RMDN1: variants seen among roughly 807,000 people sequenced by gnomAD.
RMDN1 encodes the protein regulator of microtubule dynamics protein 1.
Under a neutral mutation model 48.9 loss-of-function variants are expected in RMDN1, and 48 were observed. The ratio of observed to expected loss-of-function variants is 0.98; its 90% CI spans 0.78 to 1.25. RMDN1 has a LOEUF of 1.25. RMDN1 is among the 50% of genes most tolerant of loss of function. The probability of loss-of-function intolerance (pLI) is 0.00; values close to 1 mark genes in which losing one functional copy is unlikely to be tolerated. For missense variants in RMDN1, 418 were observed against 373.4 expected, an observed-to-expected ratio of 1.12 and a Z score of -0.98; for synonymous variants, 148 against 132.6, an observed-to-expected ratio of 1.12 and a Z score of -0.80.
downstream of RMDN1, among the ~76,000 whole-genome samples, chr8:86,469,386 T>C (rs1208476375): frequency 6.6e-6 from 1 of 152,158 alleles, no homozygotes; most frequent in Non-Finnish European, 1.5e-5. Flanking sequence ...CTGGGAAATC[T>C]CCAGATACAC....
At position 86,500,608 on chromosome 8, in the gene RMDN1, C is replaced by T. The variant is rs543396620; in HGVS notation, c.247+6387G>A. 3.3e-5 allele frequency among the ~76,000 whole-genome samples: 5 copies of T among 151,494 alleles called. No homozygotes were observed. The East Asian group carries it at 9.7e-4, about 29-fold the overall frequency. ...CTGCTGGTGGGAATATAAATTAGTT[C>T]AGCCACCGTAGAAAGCAGTTTGGAG... On this transcript the variant is annotated intron_variant, in intron 2 of 9. Transcript: ENST00000406452.
intron 2 of RMDN1, among the ~76,000 whole-genome samples, chr8:86,497,202 T>C (rs553505294): frequency 6.6e-6 from 1 of 152,254 alleles, no homozygotes; most frequent in South Asian, 2.1e-4. Flanking sequence ...AGATCTCAAA[T>C]TGACAACCTA....
upstream of RMDN1, among the ~76,000 whole-genome samples, chr8:86,509,764 A>G (rs946717585): frequency 1.3e-5 from 2 of 152,194 alleles, no homozygotes; most frequent in African/African-American, 4.8e-5. Context: ...TCCTTCTACT[A>G]TATGATTGCT....
At chr8:86,490,272 G>C (rs890570786) in intron 2 of RMDN1, among the ~76,000 whole-genome samples, 1 of 152,146 alleles carries the variant, frequency 6.6e-6, no homozygotes, top group Admixed American at 6.5e-5. Flanking sequence ...TTGGTTACAT[G>C]TCAACGGTGA....
chr8:86,478,710 C>A, intron 7 of RMDN1: 1 of 515,558 alleles, frequency 1.9e-6, no homozygotes, highest in Non-Finnish European at 3.4e-6. Context: ...GACAGTATTC[C>A]AGAATTACCA....
chr8:86,477,841 T>C (rs1408759803), intron 7 of RMDN1, among the ~76,000 whole-genome samples: 1 of 152,058 alleles, frequency 6.6e-6, no homozygotes, highest in Non-Finnish European at 1.5e-5. Flanking sequence ...CATAACTAAT[T>C]TGATAAAGTA....
intron 1 of RMDN1, among the ~76,000 whole-genome samples, chr8:86,507,694 GTTTCATAC>G: frequency 6.6e-6 from 1 of 151,104 alleles, no homozygotes; most frequent in Non-Finnish European, 1.5e-5. Flanking sequence ...CGGCTAACTA[GTTTCATAC>G]TTAGAACTCC....
intron 5 of RMDN1, chr8:86,482,925 C>T: frequency 1.1e-6 from 1 of 877,322 alleles, no homozygotes; most frequent in South Asian, 1.3e-5. Flanking sequence ...CTGTTTCCTC[C>T]AGAGGCAGGT....
At chr8:86,471,623 TAAGGAAG>T (rs1217666942), downstream of RMDN1, among the ~76,000 whole-genome samples, 1 of 151,852 alleles carries the variant, frequency 6.6e-6, no homozygotes, top group East Asian at 1.9e-4. Flanking sequence ...ATAAAGTATC[TAAGGAAG>T]AAGAGATACA....
At position 86,513,849 on chromosome 8, in the gene RMDN1, G is replaced by T. The variant is rs1254114398; in HGVS notation, c.-4+393C>A. Among the ~76,000 whole-genome samples the T allele has an allele frequency of 2.0e-5, 3 of 151,114 alleles. No homozygotes were observed. In the East Asian group the frequency reaches 5.8e-4, roughly 29 times the overall value. On this transcript the variant is annotated intron_variant, in intron 1 of 9. Transcript: ENST00000523911. ...TATTTTCATGTTGATAATTTGTCTT[G>T]GTAACTTTTTTTTTTTTTTTTAAGA... is the stretch of plus-strand genomic sequence containing the variant.
chr8:86,471,750 A>C (rs1812593369), downstream of RMDN1, among the ~76,000 whole-genome samples: 2 of 152,252 alleles, frequency 1.3e-5, no homozygotes, highest in South Asian at 4.1e-4. Flanking sequence ...AGTCAGGCAA[A>C]GATCTAATAG....
intron 2 of RMDN1, among the ~76,000 whole-genome samples, chr8:86,494,422 G>A (rs1268488653): frequency 6.6e-6 from 1 of 152,152 alleles, no homozygotes; most frequent in Non-Finnish European, 1.5e-5. Flanking sequence ...TGGGCATGGT[G>A]ACACATGCCT....
At chr8:86,513,335 A>T (rs953906203), upstream of RMDN1, among the ~76,000 whole-genome samples, 2 of 152,248 alleles carry the variant, frequency 1.3e-5, no homozygotes, top group East Asian at 1.9e-4. Context: ...AGATCGCGCC[A>T]TTGCACTCCA....
At chr8:86,492,647 C>T (rs542061167) in intron 2 of RMDN1, among the ~76,000 whole-genome samples, 16 of 135,138 alleles carry the variant, frequency 1.2e-4, no homozygotes, top group Admixed American at 2.5e-4. Context: ...AGCAAGACTC[C>T]GCCTTAATAA....
downstream of RMDN1, among the ~76,000 whole-genome samples, chr8:86,471,163 T>C (rs76028279): frequency 6.7e-6 from 1 of 149,156 alleles, no homozygotes; most frequent in Admixed American, 6.6e-5. Context: ...TTTTTTTTTT[T>C]CAATTTGTGA....
upstream of RMDN1, among the ~76,000 whole-genome samples, chr8:86,512,690 TC>T (rs1820108194): frequency 6.6e-6 from 1 of 152,206 alleles, no homozygotes; most frequent in Admixed American, 6.5e-5. Flanking sequence ...GAAGTTCCTG[TC>T]TGTCTTGCTC....
At chr8:86,498,746 A>G (rs1393628519) in intron 2 of RMDN1, among the ~76,000 whole-genome samples, 8 of 152,190 alleles carry the variant, frequency 5.3e-5, no homozygotes, top group Non-Finnish European at 1.2e-4. Context: ...GCACTACTGC[A>G]CTCCAGCATG....
intron 2 of RMDN1, chr8:86,503,659 G>T (rs3883910): frequency 0.64 from 316,802 of 492,038 alleles, 105,143 homozygotes; most frequent in African/African-American, 0.9. Context: ...GCTACAACAC[G>T]GGAGTCATCA....
intron 5 of RMDN1, among the ~76,000 whole-genome samples, chr8:86,481,283 T>C (rs1814366343): frequency 6.6e-6 from 1 of 152,172 alleles, no homozygotes; most frequent in Admixed American, 6.5e-5. Context: ...CTGAGTTTTT[T>C]CTCTTTTATG....
Sources: gnomAD v4.1 joint callset for allele counts (sites outside exome capture counted in the v4.1 genomes callset) on GRCh38, gnomAD v4.1.1 for gene constraint, MANE v1.5 for transcripts, NCBI Gene and HGNC (gene_info 2026-07-23, HGNC 2026-07-21) for gene names.